Variants in MAP3K4 observed in about 807,000 individuals in gnomAD.
MAP3K4 encodes the protein mitogen-activated protein kinase kinase kinase 4, also known as MAP three kinase 1.
In MAP3K4, 67 loss-of-function variants were observed where a neutral mutation model predicts 185.6. The observed-to-expected ratio is 0.36, with a 90% CI of 0.30 to 0.44. The LOEUF (loss-of-function observed/expected upper bound fraction) is 0.44, where lower values mean the gene tolerates loss of function less well. Ranked by LOEUF, MAP3K4 falls within the 20% of genes least tolerant of loss-of-function variation. The pLI, the probability that MAP3K4 is intolerant of heterozygous loss-of-function variation, is 1.00. For missense variants in MAP3K4, 1,551 were observed against 1,995.1 expected, an observed-to-expected ratio of 0.78 and a Z score of 4.24; for synonymous variants, 702 against 710.4, an observed-to-expected ratio of 0.99 and a Z score of 0.19.
intron 1 of MAP3K4, among the ~76,000 whole-genome samples, chr6:161,016,446 A>T (rs1270911432): frequency 1.3e-5 from 2 of 152,052 alleles, no homozygotes; most frequent in Non-Finnish European, 2.9e-5. Flanking sequence ...CTATAGCTTT[A>T]CCCCAGTTTT....
At chr6:161,041,201 C>G (rs1030010301) in intron 2 of MAP3K4, among the ~76,000 whole-genome samples, 3 of 152,184 alleles carry the variant, frequency 2.0e-5, no homozygotes, top group African/African-American at 7.2e-5. Context: ...GCCCAAGGAA[C>G]ATATAGCTCT....
At chr6:161,099,007 G>A (rs999402840) in intron 17 of MAP3K4, among the ~76,000 whole-genome samples, 1 of 152,214 alleles carries the variant, frequency 6.6e-6, no homozygotes, top group African/African-American at 2.4e-5. Context: ...ATTGTCTTTT[G>A]TGTAAGTAAG....
Position 161,008,771 on chromosome 6 carries a change from T to A in MAP3K4, c.152+16688T>A, listed in dbSNP as rs1781709975. ...CACACTACCCTTTCTTTCCTCATTATCCTGACATTTACTGATATTTTACAT... is the reference window on the plus strand; with the variant it reads ...CACACTACCCTTTCTTTCCTCATTAACCTGACATTTACTGATATTTTACAT... On this transcript the variant is annotated intron_variant, in intron 1 of 26. Coordinates refer to ENST00000392142, the MANE Select transcript of MAP3K4 (RefSeq NM_005922.4). This position sits in a 1 kb window ranked among gnomAD's most constrained non-coding sequence, Gnocchi z 4.1. 6.6e-6 allele frequency among the ~76,000 whole-genome samples: 1 copy of A among 152,180 alleles called. No homozygotes were observed. The highest frequency in any genetic ancestry group is 1.9e-4 in the East Asian group (1 of 5,190).
At chr6:161,105,877 C>T (rs951771208) in intron 19 of MAP3K4, among the ~76,000 whole-genome samples, 15 of 151,300 alleles carry the variant, frequency 9.9e-5, no homozygotes, top group African/African-American at 3.2e-4. Context: ...ACTCTGTCAC[C>T]CATGCTGGAG....
chr6:161,112,862 C>G lies in MAP3K4; in HGVS notation c.4626+88C>G. 1.2e-6 allele frequency: 1 copy of G among 819,664 alleles called. No homozygotes were observed. Among genetic ancestry groups the G allele is most frequent in the East Asian group, 2.9e-5 (1 of 34,922 alleles). The allele number at this position is 819,664 out of a possible 1,614,324, so 50.8% of individuals were successfully genotyped here. A position where few individuals can be genotyped will look rare whatever the true frequency, so the allele number is the denominator to read the frequency against. On this transcript the variant is annotated intron_variant, in intron 25 of 26. Transcript: ENST00000392142. This position sits in a 1 kb window ranked among gnomAD's most constrained non-coding sequence, Gnocchi z 5.1. ...GTAGTTATGGATTGATTATTTATTACAAACACTGTGGACACTAAATAGCGA... is the reference window on the plus strand; with the variant it reads ...GTAGTTATGGATTGATTATTTATTAGAAACACTGTGGACACTAAATAGCGA...
chr6:161,084,879 G>A lies in MAP3K4; in HGVS notation c.2372+262G>A, dbSNP rs188076626. 6.6e-6 allele frequency among the ~76,000 whole-genome samples: 1 copy of A among 152,208 alleles called. No homozygotes were observed. Among genetic ancestry groups the A allele is most frequent in the Non-Finnish European group, 1.5e-5 (1 of 68,038 alleles). On this transcript the variant is annotated intron_variant, in intron 7 of 26. Transcript: ENST00000392142. This position sits in a 1 kb window ranked among gnomAD's most constrained non-coding sequence, Gnocchi z 4.6. ...TAGTGCCAACTGGCTGGGCGCGGTG[G>A]CTCACGCCTGTAATCCCAGTACTTT... is the stretch of plus-strand genomic sequence containing the variant.
chr6:161,049,802 C>T lies in MAP3K4; in HGVS notation c.1530C>T (p.Asp510=), dbSNP rs1282564049. ...EDDSLGWGAP[D]WSTEAGFSRH... ...ATTCTCTTGGCTGGGGAGCACCAGA[C>T]TGGAGCACAGAAGCAGGCTTTAGTA... Residue 510 remains aspartate, a synonymous_variant, in exon 3 of 27, where the codon GAC becomes GAT. Transcript: ENST00000392142. This position sits in a 1 kb window ranked among gnomAD's most constrained non-coding sequence, Gnocchi z 8.4. 1 of 1,614,146 alleles carries T rather than the reference C, an allele frequency of 6.2e-7. No individual in the cohort carries two copies. The highest frequency in any genetic ancestry group is 8.5e-7 in the Non-Finnish European group (1 of 1,180,006).
At position 161,075,978 on chromosome 6, in the gene MAP3K4, C is replaced by G. The variant is rs1291271124; in HGVS notation, c.2097+2366C>G. Among the ~76,000 whole-genome samples, 1 of 152,072 alleles carries G rather than the reference C, an allele frequency of 6.6e-6. No homozygotes were observed. The highest frequency in any genetic ancestry group is 6.5e-5 in the Admixed American group (1 of 15,270). On this transcript the variant is annotated intron_variant, in intron 5 of 26. Transcript: ENST00000392142. The surrounding 1 kb of genome is among the most constrained non-coding windows in gnomAD (Gnocchi z 4.3). ...AAAGAACAGCAATTGAATTGGCAGTCAAATTATGTTTAACACCCTTGTCTG... is the reference window on the plus strand; with the variant it reads ...AAAGAACAGCAATTGAATTGGCAGTGAAATTATGTTTAACACCCTTGTCTG...
rs773101139 is a variant in MAP3K4 at position 161,116,801 on chromosome 6, G to GCA, written c.4807-43_4807-42dup. The stretch of plus-strand genomic sequence containing the variant: ...AGACTCATACTGCGCGTATGCACAA[G>GCA]CACACACCTGGCTCTGCAAGAGCTC... On this transcript the variant is annotated intron_variant, in intron 26 of 26. Transcript: ENST00000392142. This position sits in a 1 kb window ranked among gnomAD's most constrained non-coding sequence, Gnocchi z 6.2. The GCA allele has an allele frequency of 6.3e-7, 1 of 1,593,910 alleles. No homozygotes were observed. Among genetic ancestry groups the GCA allele is most frequent in the Non-Finnish European group, 8.6e-7 (1 of 1,162,136 alleles).
chr6:161,060,488 T>C (rs1304465901), intron 3 of MAP3K4, among the ~76,000 whole-genome samples: 1 of 152,232 alleles, frequency 6.6e-6, no homozygotes, highest in Non-Finnish European at 1.5e-5. Flanking sequence ...TGGGAACATA[T>C]TCAATTGGCT....
rs1355744564 is a variant in MAP3K4 at position 160,996,965 on chromosome 6, C to A, written c.152+4882C>A. ...GCTTCTGAATGAGAGGCAGTGTGAT[C>A]CAGACTTACTCTTAGGTTTTTATTT... On this transcript the variant is annotated intron_variant, in intron 1 of 26. Coordinates refer to ENST00000392142, the MANE Select transcript of MAP3K4 (RefSeq NM_005922.4). The surrounding 1 kb of genome is among the most constrained non-coding windows in gnomAD (Gnocchi z 4.5). 6.6e-6 allele frequency among the ~76,000 whole-genome samples: 1 copy of A among 152,182 alleles called. No individual in the cohort carries two copies. The highest frequency in any genetic ancestry group is 1.9e-4 in the East Asian group (1 of 5,206).
In MAP3K4 at chr6:161,088,296, C is replaced by T. The variant is rs565406558; in HGVS notation, c.2823+342C>T. Among the ~76,000 whole-genome samples, 1 of 152,302 alleles carries T rather than the reference C, an allele frequency of 6.6e-6. No individual in the cohort carries two copies. Among genetic ancestry groups the T allele is most frequent in the East Asian group, 1.9e-4 (1 of 5,182 alleles). On this transcript the variant is annotated intron_variant, in intron 10 of 26. Coordinates refer to ENST00000392142, the MANE Select transcript of MAP3K4 (RefSeq NM_005922.4). The surrounding 1 kb of genome is among the most constrained non-coding windows in gnomAD (Gnocchi z 4.5). ...TCTAGAAATCCCAGTTCTCCAAGTA[C>T]TCAGGTTTACTGGTTATTTAATTTT...
chr6:161,006,587 A>G (rs957115881), intron 1 of MAP3K4, among the ~76,000 whole-genome samples: 6 of 152,314 alleles, frequency 3.9e-5, no homozygotes, highest in East Asian at 3.9e-4. Flanking sequence ...CCTAGAATCA[A>G]TCCCTCGTAG....
Position 161,049,469 on chromosome 6 carries a change from C to T in MAP3K4, c.1197C>T (p.Ile399=). ...RVQALCLWLN[I]TKDLNQKLRI... ...AGGCACTCTGTTTGTGGTTAAACAT[C>T]ACAAAAGACTTAAATCAGAAATTAA... Residue 399 remains isoleucine (I), a synonymous_variant, in exon 3 of 27, where the codon ATC becomes ATT. Coordinates refer to ENST00000392142, the MANE Select transcript of MAP3K4 (RefSeq NM_005922.4). The surrounding 1 kb of genome is among the most constrained non-coding windows in gnomAD (Gnocchi z 8.4). 1 of 1,614,134 alleles carries T rather than the reference C, an allele frequency of 6.2e-7. No homozygotes were observed. Among genetic ancestry groups the T allele is most frequent in the Non-Finnish European group, 8.5e-7 (1 of 1,180,016 alleles).
rs1416520556 is a variant in MAP3K4, at chr6:161,087,788, A to C, written c.2657A>C (p.Lys886Thr). The C allele has an allele frequency of 6.2e-7, 1 of 1,614,206 alleles. No homozygotes were observed. Residue 886 changes from lysine (K) to threonine (T), a missense_variant, in exon 10 of 27, where the codon AAG becomes ACG. This residue lies in a region of MAP3K4 where 261 missense variants were observed against 306.5 expected (regional missense o/e 0.85). Transcript: ENST00000392142. The surrounding 1 kb of genome is among the most constrained non-coding windows in gnomAD (Gnocchi z 4.9). ...ILQLLNAAAG[K>T]DCSKDSDDVL... ...CAGTTACTCAATGCAGCTGCAGGAA[A>C]GGACTGTTCAAAAGATTCAGATGAC...
intron 1 of MAP3K4, among the ~76,000 whole-genome samples, chr6:161,003,457 ATCT>A (rs1562474190): frequency 1.3e-5 from 2 of 152,182 alleles, no homozygotes; most frequent in Non-Finnish European, 1.5e-5. Flanking sequence ...TCATGAATTT[ATCT>A]TCTTCTTGAT....
chr6:161,022,885 T>C lies in MAP3K4; in HGVS notation c.153-11374T>C, dbSNP rs62435483. On this transcript the variant is annotated intron_variant, in intron 1 of 26. Coordinates refer to ENST00000392142, the MANE Select transcript of MAP3K4 (RefSeq NM_005922.4). The surrounding 1 kb of genome is among the most constrained non-coding windows in gnomAD (Gnocchi z 4.2). ...TATCGAGCATAGTACTTACCAAGCATGGTAAGTACTCCGTGCCTAACGGTA... is the reference window on the plus strand; with the variant it reads ...TATCGAGCATAGTACTTACCAAGCACGGTAAGTACTCCGTGCCTAACGGTA... 6.6e-6 allele frequency among the ~76,000 whole-genome samples: 1 copy of C among 152,184 alleles called. No individual in the cohort carries two copies. The highest frequency in any genetic ancestry group is 1.9e-4 in the East Asian group (1 of 5,194).
At chr6:161,102,617 C>T in intron 18 of MAP3K4, 82 bp from the exon 19 acceptor site, 1 of 911,110 alleles carries the variant, frequency 1.1e-6, no homozygotes, top group African/African-American at 1.7e-5. Context: ...TTGCTTTTAA[C>T]CATTACCTTT....
chr6:161,045,897 T>C (rs1381441221), intron 2 of MAP3K4, among the ~76,000 whole-genome samples: 2 of 152,182 alleles, frequency 1.3e-5, no homozygotes, highest in Non-Finnish European at 2.9e-5. Flanking sequence ...TAATAGTTAA[T>C]ACACATTCTA....
Sources: allele counts gnomAD v4.1 joint callset (sites outside exome capture counted in the v4.1 genomes callset), GRCh38; gene constraint gnomAD v4.1.1; regional missense constraint gnomAD v4.1.1; non-coding constraint Gnocchi (gnomAD v3.1); transcripts MANE v1.5; gene names NCBI Gene and HGNC (gene_info 2026-07-23, HGNC 2026-07-21).